The following ARL8B variants were observed in gnomAD, a reference collection of about 807,000 sequenced individuals.
ARL8B encodes the protein ADP-ribosylation factor-like protein 8B.
ARL8B carries 9 observed loss-of-function variants against 30.6 expected under a neutral mutation model. The ratio of observed to expected loss-of-function variants is 0.29; its 90% CI spans 0.18 to 0.51. The LOEUF is 0.51. ARL8B is among the 20% of genes least tolerant of loss of function. ARL8B has a pLI of 0.97. For synonymous variants in ARL8B, 74 were observed against 76.0 expected, an observed-to-expected ratio of 0.97 and a Z score of 0.14; for missense variants, 130 against 227.2, an observed-to-expected ratio of 0.57 and a Z score of 2.75.
chr3:5,166,149 C>T (rs1337146395), intron 1 of ARL8B, among the ~76,000 whole-genome samples: 2 of 150,584 alleles, frequency 1.3e-5, no homozygotes, highest in African/African-American at 2.4e-5. Flanking sequence ...AAGCAATTCT[C>T]CTGCCTCAGC....
intron 1 of ARL8B, among the ~76,000 whole-genome samples, chr3:5,137,563 C>T (rs1184323839): frequency 6.6e-6 from 1 of 151,558 alleles, no homozygotes; most frequent in East Asian, 1.9e-4. Flanking sequence ...CTCAGCCTCC[C>T]AAGTAGCTGG....
intron 4 of ARL8B, among the ~76,000 whole-genome samples, chr3:5,173,643 G>A (rs1469865328): frequency 4.6e-5 from 7 of 152,272 alleles, no homozygotes; most frequent in Non-Finnish European, 7.4e-5. Flanking sequence ...GCGTGAACCC[G>A]GGAGGCAGAG....
intron 1 of ARL8B, among the ~76,000 whole-genome samples, chr3:5,151,970 A>G (rs1321895115): frequency 6.6e-6 from 1 of 152,192 alleles, no homozygotes; most frequent in African/African-American, 2.4e-5. Flanking sequence ...TTGGCCTCCC[A>G]AAGTATCGAG....
intron 1 of ARL8B, among the ~76,000 whole-genome samples, chr3:5,145,500 CTT>C (rs1020776340): frequency 2.6e-5 from 4 of 152,138 alleles, no homozygotes; most frequent in African/African-American, 9.7e-5. Context: ...GATCAAGAAG[CTT>C]GGAGACAAAA....
Position 5,178,664 on chromosome 3 carries a change from A to G in ARL8B, c.512A>G (p.Asp171Gly). 2 of 1,608,354 alleles carry G rather than the reference A, an allele frequency of 1.2e-6. No homozygotes were observed. Among genetic ancestry groups the G allele is most frequent in the Non-Finnish European group, 1.7e-6 (2 of 1,177,680 alleles). ...CTTCACTTTTCCCCTCTATCTTTAG[A>G]TATCACACTTCAGTGGCTTATTCAG... is the stretch of plus-strand genomic sequence containing the variant. ...SISCKEKDNI[D>G]ITLQWLIQHS... The change falls in exon 7 of 7, where the codon GAT (aspartate) becomes GGT (glycine). Residue 171 changes from aspartate to glycine, a missense_variant and splice_region_variant. Transcript: ENST00000256496.
chr3:5,128,118 G>T (rs1428918356), intron 1 of ARL8B, among the ~76,000 whole-genome samples: 1 of 138,562 alleles, frequency 7.2e-6, no homozygotes, highest in East Asian at 2.1e-4. Flanking sequence ...AGCCGAAATT[G>T]AGCGACTGCA....
intron 1 of ARL8B, among the ~76,000 whole-genome samples, chr3:5,143,506 G>A (rs1020738701): frequency 6.6e-6 from 1 of 152,164 alleles, no homozygotes; most frequent in African/African-American, 2.4e-5. Context: ...AGGTCCTCCC[G>A]TAGCACAGGT....
At chr3:5,160,030 C>T (rs150939094) in intron 1 of ARL8B, among the ~76,000 whole-genome samples, 162 of 152,224 alleles carry the variant, frequency 1.1e-3, no homozygotes, top group Non-Finnish European at 1.6e-3. Flanking sequence ...CACTCATGCT[C>T]CCTACTTAAG....
chr3:5,165,377 C>G (rs1396123333), intron 1 of ARL8B, among the ~76,000 whole-genome samples: 1 of 152,084 alleles, frequency 6.6e-6, no homozygotes, highest in Non-Finnish European at 1.5e-5. Flanking sequence ...ATTATAGTGA[C>G]TTCATATAGG....
intron 1 of ARL8B, among the ~76,000 whole-genome samples, chr3:5,165,728 T>G (rs1473355161): frequency 6.6e-6 from 1 of 152,178 alleles, no homozygotes; most frequent in African/African-American, 2.4e-5. Context: ...TTCAAGTTTA[T>G]TGTATTGTAT....
intron 1 of ARL8B, among the ~76,000 whole-genome samples, chr3:5,148,739 A>C (rs1199054783): frequency 6.6e-6 from 1 of 152,168 alleles, no homozygotes; most frequent in Admixed American, 6.5e-5. Flanking sequence ...CTTAGGCCAA[A>C]AAAGATCGAA....
At chr3:5,176,586 G>C (rs1002438369) in intron 6 of ARL8B, among the ~76,000 whole-genome samples, 1 of 152,076 alleles carries the variant, frequency 6.6e-6, no homozygotes, top group Admixed American at 6.6e-5. Flanking sequence ...CTAATTTTGG[G>C]CTTCCTTTAA....
intron 1 of ARL8B, among the ~76,000 whole-genome samples, chr3:5,141,062 C>T (rs1027021112): frequency 1.5e-4 from 23 of 152,164 alleles, no homozygotes; most frequent in Non-Finnish European, 3.4e-4. Context: ...TTTATTATCC[C>T]CCTTATAAGG....
At chr3:5,171,392 C>T (rs145580719) in intron 2 of ARL8B, among the ~76,000 whole-genome samples, 40 of 152,076 alleles carry the variant, frequency 2.6e-4, no homozygotes, top group African/African-American at 8.4e-4. Context: ...CTCTTGTTGC[C>T]CAGGCTTGGA....
At position 5,172,214 on chromosome 3, in the gene ARL8B, A is replaced by G. The variant is rs1227756331; in HGVS notation, c.269A>G (p.Asn90Ser). ...TGGGAGCGGTATTGCAGAGGAGTCAATGCTATTGTGTAAGTGGTTTTTTTT... is the reference window on the plus strand; with the variant it reads ...TGGGAGCGGTATTGCAGAGGAGTCAGTGCTATTGTGTAAGTGGTTTTTTTT... ...SMWERYCRGV[N>S]AIVYMIDAAD... Residue 90 changes from asparagine (N) to serine (S), a missense_variant, in exon 3 of 7, where the codon AAT (asparagine) becomes AGT (serine). Transcript: ENST00000256496. The G allele has an allele frequency of 6.8e-6, 11 of 1,612,504 alleles. No individual in the cohort carries two copies. Among genetic ancestry groups the G allele is most frequent in the South Asian group, 3.3e-5 (3 of 90,762 alleles).
In ARL8B at chr3:5,180,355, T is replaced by C. The variant is rs1277226866; in HGVS notation, c.*1642T>C. 6.6e-6 allele frequency: 1 copy of C among 152,320 alleles called. No individual in the cohort carries two copies. The highest frequency in any genetic ancestry group is 2.4e-5 in the African/African-American group (1 of 41,474). The allele number at this position is 152,320 out of a possible 1,614,324, so 9.4% of individuals were successfully genotyped here. ...TTGCATACTACCCTGGTGGGATGGATGGTTCTGTAAATGAAGGGATATTTA... is the reference window on the plus strand; with the variant it reads ...TTGCATACTACCCTGGTGGGATGGACGGTTCTGTAAATGAAGGGATATTTA... On this transcript the variant is annotated 3_prime_UTR_variant, in exon 7 of 7. Coordinates refer to ENST00000256496, the MANE Select transcript of ARL8B (RefSeq NM_018184.3).
chr3:5,134,872 G>A (rs896520814), intron 1 of ARL8B, among the ~76,000 whole-genome samples: 2 of 152,180 alleles, frequency 1.3e-5, no homozygotes, highest in African/African-American at 4.8e-5. Context: ...TGTTGAGATG[G>A]AGTCTCGCTC....
At chr3:5,166,337 T>A (rs1019593277) in intron 1 of ARL8B, among the ~76,000 whole-genome samples, 6 of 145,590 alleles carry the variant, frequency 4.1e-5, no homozygotes, top group Non-Finnish European at 9.0e-5. Context: ...TGCGCCTGGC[T>A]GGTATCTTTC....
At chr3:5,137,639 A>G (rs1190398128) in intron 1 of ARL8B, among the ~76,000 whole-genome samples, 1 of 152,086 alleles carries the variant, frequency 6.6e-6, no homozygotes, top group African/African-American at 2.4e-5. Context: ...GGGTTTCACC[A>G]TGTTGATCAG....
Sources: allele counts gnomAD v4.1 joint callset (sites outside exome capture counted in the v4.1 genomes callset), GRCh38; gene constraint gnomAD v4.1.1; transcripts MANE v1.5; gene names NCBI Gene and HGNC (gene_info 2026-07-23, HGNC 2026-07-21).